Variants in NINL observed in about 807,000 individuals in gnomAD.
NINL encodes ninein-like protein.
Under a neutral mutation model 160.3 loss-of-function variants are expected in NINL, and 153 were observed. That is an observed-to-expected ratio of 0.95 (90% CI 0.84 to 1.09). The LOEUF (loss-of-function observed/expected upper bound fraction) is 1.09. Among genes scored for constraint, NINL ranks in the 50% least tolerant of loss-of-function variants. NINL has a pLI of 0.00. For missense variants in NINL, 1,829 were observed against 1,764.0 expected, an observed-to-expected ratio of 1.04 and a Z score of -0.66; for synonymous variants, 800 against 734.8, an observed-to-expected ratio of 1.09 and a Z score of -1.43.
chr20:25,564,805 T>TA (rs11411276), intron 1 of NINL, among the ~76,000 whole-genome samples: 114,367 of 142,790 alleles, frequency 0.8, 46,729 homozygotes, highest in East Asian at 0.93. Flanking sequence ...TCCCCACAAT[T>TA]AAAAAAAAAA....
At chr20:25,457,568 T>C (rs2146288051) in intron 22 of NINL, among the ~76,000 whole-genome samples, 1 of 149,682 alleles carries the variant, frequency 6.7e-6, no homozygotes, top group African/African-American at 2.4e-5. Flanking sequence ...CTTTGTGTGA[T>C]GTTACAAGGT....
chr20:25,477,082 C>T lies in NINL; in HGVS notation c.2209G>A (p.Ala737Thr). 1 of 1,593,296 alleles carries T rather than the reference C, an allele frequency of 6.3e-7. No homozygotes were observed. The highest frequency in any genetic ancestry group is 8.5e-7 in the Non-Finnish European group (1 of 1,177,346). Residue 737 changes from alanine (A) to threonine (T), a missense_variant, in exon 17 of 24, where the codon GCT (alanine) becomes ACT (threonine). By Grantham distance (58) the Ala-to-Thr change is moderately conservative (BLOSUM62 0). Coordinates refer to ENST00000278886, the MANE Select transcript of NINL (RefSeq NM_025176.6). ...HSHLQQIRRE[A>T]EAELSGELSG... The stretch of plus-strand genomic sequence containing the variant: ...AGCTCTCCACTCAGCTCCGCCTCAG[C>T]CTCTCTCCTGTGGAAGTAGAACCGT...
In NINL at chr20:25,504,465, C is replaced by T. The variant is rs186446232; in HGVS notation, c.709-361G>A. Among the ~76,000 whole-genome samples the T allele has an allele frequency of 6.2e-3, 940 of 152,316 alleles. 11 individuals carry two copies. Among genetic ancestry groups the T allele is most frequent in the African/African-American group, 0.022 (903 of 41,556 alleles). ...CAAGGACACAGGGCTGAGAAGAACT[C>T]CAGCAAGGCAGACTGGCCTCCCACC... On this transcript the variant is annotated intron_variant, in intron 6 of 23. Transcript: ENST00000278886.
chr20:25,500,246 C>T (rs1223460166), intron 8 of NINL, among the ~76,000 whole-genome samples: 1 of 152,246 alleles, frequency 6.6e-6, no homozygotes, highest in African/African-American at 2.4e-5. Flanking sequence ...CCAGGGCTGG[C>T]CTGCATCCCT....
At chr20:25,489,723 G>A in intron 12 of NINL, 152 bp downstream of exon 12, 1 of 652,092 alleles carries the variant, frequency 1.5e-6, no homozygotes, top group Non-Finnish European at 2.7e-6. Flanking sequence ...GAAGCAGAGG[G>A]AAGGCCTCAT....
At chr20:25,576,319 G>A (rs1386141563) in intron 1 of NINL, among the ~76,000 whole-genome samples, 2 of 152,186 alleles carry the variant, frequency 1.3e-5, no homozygotes, top group Non-Finnish European at 2.9e-5. Flanking sequence ...CCTGGGTCAG[G>A]TGTGTCCTTG....
At chr20:25,580,161 C>T (rs1057017331) in intron 1 of NINL, among the ~76,000 whole-genome samples, 6 of 152,038 alleles carry the variant, frequency 3.9e-5, no homozygotes, top group Non-Finnish European at 7.4e-5. Context: ...GGTGAAACCC[C>T]GTCTCTACTA....
At chr20:25,558,293 C>T (rs989165261) in intron 1 of NINL, among the ~76,000 whole-genome samples, 10 of 152,180 alleles carry the variant, frequency 6.6e-5, no homozygotes, top group South Asian at 4.1e-4. Flanking sequence ...CTGAAACCTC[C>T]GTCGCCTGGA....
intron 20 of NINL, among the ~76,000 whole-genome samples, chr20:25,462,040 G>T (rs2062801874): frequency 1.3e-5 from 2 of 152,226 alleles, no homozygotes; most frequent in African/African-American, 4.8e-5. Context: ...AAATGCTGCA[G>T]CTGCATCCTT....
intron 23 of NINL, among the ~76,000 whole-genome samples, chr20:25,454,407 A>G (rs1168086502): frequency 1.3e-5 from 2 of 152,158 alleles, no homozygotes; most frequent in Non-Finnish European, 2.9e-5. Context: ...GGATTGAACC[A>G]GAAGTCAGGT....
chr20:25,477,180 G>A (rs1376580867), intron 16 of NINL, 91 bp from the exon 17 acceptor site: 8 of 1,226,310 alleles, frequency 6.5e-6, no homozygotes, highest in African/African-American at 1.5e-5. Flanking sequence ...CAACGGCTGC[G>A]ACCTCCTCTC....
intron 1 of NINL, among the ~76,000 whole-genome samples, chr20:25,575,050 T>C (rs1413287583): frequency 2.0e-5 from 3 of 152,152 alleles, no homozygotes; most frequent in African/African-American, 7.2e-5. Context: ...TTAGAATAGA[T>C]GAAATATAGT....
intron 1 of NINL, among the ~76,000 whole-genome samples, chr20:25,553,443 G>T (rs1261462113): frequency 6.6e-6 from 1 of 152,194 alleles, no homozygotes; most frequent in African/African-American, 2.4e-5. Context: ...CCAATGGCTT[G>T]TGGGCCACAT....
At chr20:25,543,543 C>G (rs1220467845) in intron 1 of NINL, among the ~76,000 whole-genome samples, 1 of 152,106 alleles carries the variant, frequency 6.6e-6, no homozygotes, top group Admixed American at 6.5e-5. Context: ...TCCTAACTTT[C>G]GACGCCTAAG....
At chr20:25,489,552 A>G (rs1012626701) in intron 12 of NINL, among the ~76,000 whole-genome samples, 13 of 151,818 alleles carry the variant, frequency 8.6e-5, no homozygotes, top group African/African-American at 2.4e-4. Flanking sequence ...TCATCCCTGG[A>G]GCCCAGACCC....
chr20:25,469,567 T>C (rs1216644228), intron 18 of NINL, among the ~76,000 whole-genome samples: 1 of 146,498 alleles, frequency 6.8e-6, no homozygotes, highest in Non-Finnish European at 1.5e-5. Flanking sequence ...AAACCAGCAA[T>C]GACCCTCTGA....
intron 2 of NINL, among the ~76,000 whole-genome samples, chr20:25,523,113 GT>G (rs751947442): frequency 6.6e-6 from 1 of 152,010 alleles, no homozygotes; most frequent in African/African-American, 2.4e-5. Context: ...CCAATACAAT[GT>G]AAATACTATG....
intron 2 of NINL, among the ~76,000 whole-genome samples, chr20:25,525,430 T>C (rs746232327): frequency 6.6e-6 from 1 of 152,152 alleles, no homozygotes; most frequent in Non-Finnish European, 1.5e-5. Flanking sequence ...GGCACGTGGA[T>C]TGCTAGAGCT....
chr20:25,583,393 T>C (rs574031033), intron 1 of NINL, among the ~76,000 whole-genome samples: 2 of 152,156 alleles, frequency 1.3e-5, no homozygotes, highest in Non-Finnish European at 2.9e-5. Flanking sequence ...TCACTGGTCA[T>C]TAGAGAAATG....
Sources: gnomAD v4.1 joint callset for allele counts (sites outside exome capture counted in the v4.1 genomes callset) on GRCh38, gnomAD v4.1.1 for gene constraint, MANE v1.5 for transcripts, NCBI Gene and HGNC (gene_info 2026-07-23, HGNC 2026-07-21) for gene names.